Variants in KIF26B observed in about 807,000 individuals in gnomAD.
The protein encoded by KIF26B is kinesin family member 26B.
In KIF26B, 63 loss-of-function variants were observed where a neutral mutation model predicts 151.2. That is an observed-to-expected ratio of 0.42 (90% CI 0.34 to 0.51). The LOEUF is 0.51. Ranked by LOEUF, KIF26B falls within the 20% of genes least tolerant of loss-of-function variation. KIF26B has a pLI of 0.07. For missense variants in KIF26B, 2,813 were observed against 2,913.6 expected (o/e 0.97, Z 0.79); for synonymous variants, 1,357 against 1,262.1 (o/e 1.08, Z -1.59).
intron 4 of KIF26B, among the ~76,000 whole-genome samples, chr1:245,461,154 T>G (rs539506240): frequency 7.9e-4 from 121 of 152,292 alleles, no homozygotes; most frequent in African/African-American, 2.6e-3. Flanking sequence ...GAAGCAGTCC[T>G]GGAAGAAAAC....
At chr1:245,546,076 A>C (rs1032714677) in intron 5 of KIF26B, among the ~76,000 whole-genome samples, 11 of 152,194 alleles carry the variant, frequency 7.2e-5, no homozygotes, top group African/African-American at 2.7e-4. Flanking sequence ...TCAGTTACTA[A>C]CTCCTTGTGA....
At chr1:245,569,287 A>G (rs1050258542) in intron 5 of KIF26B, among the ~76,000 whole-genome samples, 8 of 152,196 alleles carry the variant, frequency 5.3e-5, no homozygotes, top group African/African-American at 1.9e-4. Context: ...TAAAGATAAC[A>G]GAACTGGAGG....
chr1:245,423,138 A>G (rs911419647), intron 4 of KIF26B, among the ~76,000 whole-genome samples: 40 of 151,436 alleles, frequency 2.6e-4, no homozygotes, highest in African/African-American at 9.2e-4. Flanking sequence ...AGAAAGAAGC[A>G]ACAGCTATGC....
intron 3 of KIF26B, among the ~76,000 whole-genome samples, chr1:245,403,885 T>A (rs776324804): frequency 6.6e-6 from 1 of 152,208 alleles, no homozygotes; most frequent in Non-Finnish European, 1.5e-5. Flanking sequence ...ATAGATAGCT[T>A]GTTGTCCATG....
chr1:245,283,005 A>G (rs1381202239), intron 2 of KIF26B: 1 of 293,748 alleles, frequency 3.4e-6, no homozygotes, highest in Non-Finnish European at 7.1e-6. Flanking sequence ...TTGAGGCTCC[A>G]TGTGCTTCAT....
chr1:245,545,386 G>A (rs1444870821), intron 5 of KIF26B, among the ~76,000 whole-genome samples: 1 of 152,214 alleles, frequency 6.6e-6, no homozygotes, highest in African/African-American at 2.4e-5. Flanking sequence ...ACAGGCATGA[G>A]CCACCATGCC....
intron 4 of KIF26B, among the ~76,000 whole-genome samples, chr1:245,484,290 A>C (rs1413287836): frequency 6.6e-6 from 1 of 151,920 alleles, no homozygotes; most frequent in Non-Finnish European, 1.5e-5. Flanking sequence ...ATGTCCCACC[A>C]TTATGTATCT....
At chr1:245,509,587 C>T (rs116200137) in intron 4 of KIF26B, among the ~76,000 whole-genome samples, 3,520 of 152,314 alleles carry the variant, frequency 0.023, 64 homozygotes, top group Middle Eastern at 0.041. Flanking sequence ...TGCTCAATGT[C>T]AATGAAGCAA....
chr1:245,612,093 T>G, intron 9 of KIF26B, 117 bp downstream of exon 9: 1 of 725,598 alleles, frequency 1.4e-6, no homozygotes, highest in Non-Finnish European at 2.2e-6. Flanking sequence ...TGTGTGTGTG[T>G]GTGTGTGTGT....
At chr1:245,376,696 A>AT (rs1053093475) in intron 3 of KIF26B, among the ~76,000 whole-genome samples, 95 of 151,110 alleles carry the variant, frequency 6.3e-4, no homozygotes, top group African/African-American at 1.9e-3. Context: ...TTTTTTATTT[A>AT]TTTTTTTTTG....
chr1:245,420,728 A>T (rs1277948939), intron 4 of KIF26B, among the ~76,000 whole-genome samples: 1 of 152,262 alleles, frequency 6.6e-6, no homozygotes, highest in African/African-American at 2.4e-5. Flanking sequence ...TCCGAAGACT[A>T]ACATAAGATG....
chr1:245,192,252 C>T (rs916491138), intron 2 of KIF26B, among the ~76,000 whole-genome samples: 7 of 151,630 alleles, frequency 4.6e-5, no homozygotes, highest in East Asian at 3.9e-4. Flanking sequence ...TTTCAGGGGA[C>T]GTGCTCATGA....
chr1:245,699,110 G>T, intron 14 of KIF26B, 73 bp downstream of exon 14: 1 of 1,476,134 alleles, frequency 6.8e-7, no homozygotes. Flanking sequence ...GTGTAGCCCA[G>T]GGTGACAGTG....
chr1:245,588,398 C>T (rs983087279), intron 5 of KIF26B, among the ~76,000 whole-genome samples: 4 of 152,134 alleles, frequency 2.6e-5, no homozygotes, highest in East Asian at 1.9e-4. Flanking sequence ...GGCGGAGGGG[C>T]GGTGAAGGGA....
intron 2 of KIF26B, among the ~76,000 whole-genome samples, chr1:245,263,892 G>A (rs570951952): frequency 2.6e-5 from 4 of 152,188 alleles, no homozygotes; most frequent in African/African-American, 7.2e-5. Flanking sequence ...CTTGTGGTCC[G>A]TTCTGTGTGT....
intron 4 of KIF26B, among the ~76,000 whole-genome samples, chr1:245,454,159 A>G (rs1659460131): frequency 6.6e-6 from 1 of 152,214 alleles, no homozygotes; most frequent in African/African-American, 2.4e-5. Context: ...TAGAAGTTTT[A>G]TGAGTGAAGA....
At chr1:245,554,688 T>G (rs565862862) in intron 5 of KIF26B, among the ~76,000 whole-genome samples, 1 of 152,176 alleles carries the variant, frequency 6.6e-6, no homozygotes, top group Non-Finnish European at 1.5e-5. Context: ...TCTTTTTCAC[T>G]GAGTATACGC....
intron 3 of KIF26B, among the ~76,000 whole-genome samples, chr1:245,394,830 A>G (rs549192023): frequency 1.3e-5 from 2 of 151,580 alleles, no homozygotes; most frequent in African/African-American, 4.8e-5. Flanking sequence ...AGCTGATATT[A>G]CAGGTGCTCG....
chr1:245,532,781 C>G (rs923266247), intron 4 of KIF26B, among the ~76,000 whole-genome samples: 3 of 152,028 alleles, frequency 2.0e-5, no homozygotes, highest in African/African-American at 7.2e-5. Flanking sequence ...AAAAAAAACC[C>G]CAGCCCCATA....
Sources: allele counts gnomAD v4.1 joint callset (sites outside exome capture counted in the v4.1 genomes callset), GRCh38; gene constraint gnomAD v4.1.1; transcripts MANE v1.5; gene names NCBI Gene and HGNC (gene_info 2026-07-23, HGNC 2026-07-21).